The following SHISA9 variants were observed in gnomAD, a reference collection of about 807,000 sequenced individuals.
SHISA9 encodes shisa family member 9.
A neutral mutation model predicts 38.0 loss-of-function variants in SHISA9; 13 were observed. The ratio of observed to expected loss-of-function variants is 0.34; its 90% CI spans 0.22 to 0.54. The LOEUF is 0.54. Ranked by LOEUF, SHISA9 falls within the 20% of genes least tolerant of loss-of-function variation. The pLI is 0.91. For synonymous variants in SHISA9, 275 were observed against 242.0 expected (o/e 1.14, Z -1.27); for missense variants, 538 against 575.8 (o/e 0.93, Z 0.67).
chr16:13,398,865 T>C, the SHISA9 span, among the ~76,000 whole-genome samples: 3 of 152,174 alleles, frequency 2.0e-5, no homozygotes, highest in African/African-American at 7.2e-5. Flanking sequence ...AAAACAATCA[T>C]CAATTATTTG....
intron 2 of SHISA9, among the ~76,000 whole-genome samples, chr16:13,018,204 G>C (rs537573972): frequency 2.0e-5 from 3 of 152,300 alleles, no homozygotes; most frequent in Non-Finnish European, 4.4e-5. Context: ...CAGCTTCACA[G>C]TGGGTAGGGT....
intron 2 of SHISA9, among the ~76,000 whole-genome samples, chr16:12,974,589 G>A (rs552600160): frequency 1.2e-3 from 168 of 144,200 alleles, no homozygotes; most frequent in South Asian, 1.6e-3. Flanking sequence ...AGGTTCAAGC[G>A]ATTCTCCTGC....
chr16:13,555,012 C>T, the SHISA9 span, among the ~76,000 whole-genome samples: 1 of 152,176 alleles, frequency 6.6e-6, no homozygotes, highest in Admixed American at 6.5e-5. Flanking sequence ...TCCCTTTTGA[C>T]GTTCAAGGCA....
chr16:12,940,199 A>G (rs539721311), intron 2 of SHISA9, among the ~76,000 whole-genome samples: 1 of 152,188 alleles, frequency 6.6e-6, no homozygotes. Flanking sequence ...GGCAGAGGCC[A>G]GAGCTTGGGC....
At chr16:13,548,936 C>G in the SHISA9 span, among the ~76,000 whole-genome samples, 1 of 152,126 alleles carries the variant, frequency 6.6e-6, no homozygotes, top group Admixed American at 6.5e-5. Context: ...ACACTTTACA[C>G]AATAGCCAAG....
intron 2 of SHISA9, among the ~76,000 whole-genome samples, chr16:12,974,346 C>G (rs1406872989): frequency 6.6e-6 from 1 of 151,952 alleles, no homozygotes; most frequent in Non-Finnish European, 1.5e-5. Flanking sequence ...TGTTCTTACC[C>G]AAAGAAGGAG....
At chr16:13,307,131 C>T in the SHISA9 span, among the ~76,000 whole-genome samples, 5 of 152,298 alleles carry the variant, frequency 3.3e-5, no homozygotes, top group East Asian at 3.9e-4. Flanking sequence ...CTGGACAAGT[C>T]GTTCAACTGC....
chr16:13,168,733 A>G (rs2050659727), intron 2 of SHISA9, among the ~76,000 whole-genome samples: 1 of 152,250 alleles, frequency 6.6e-6, no homozygotes. Context: ...CTAGCAGGCT[A>G]GGAGCCCAGG....
In SHISA9 at chr16:12,999,788, C is replaced by T. The variant is rs545855913; in HGVS notation, c.691+82973C>T. ...GTGCCTGAAGGTTGACTTCCTACAG[C>T]CAGCAGGAAGATGAACATGGAGGAT... On this transcript the variant is annotated intron_variant, in intron 2 of 4. Coordinates refer to ENST00000558583, the MANE Select transcript of SHISA9 (RefSeq NM_001145204.3). Among the ~76,000 whole-genome samples, 316 of 152,250 alleles carry T rather than the reference C, an allele frequency of 2.1e-3. 1 individual carries two copies. Among genetic ancestry groups the T allele is most frequent in the African/African-American group, 7.3e-3 (304 of 41,554 alleles).
chr16:13,022,727 G>A (rs141884633), intron 2 of SHISA9, among the ~76,000 whole-genome samples: 5 of 152,088 alleles, frequency 3.3e-5, no homozygotes, highest in African/African-American at 1.2e-4. Context: ...TAGGTGTCCC[G>A]AGTAGCAGGG....
the SHISA9 span, among the ~76,000 whole-genome samples, chr16:13,454,180 A>T: frequency 6.6e-6 from 1 of 152,220 alleles, no homozygotes; most frequent in Admixed American, 6.5e-5. Flanking sequence ...GCACAATTAT[A>T]AAAGGTTGAC....
At chr16:13,354,079 A>G in the SHISA9 span, among the ~76,000 whole-genome samples, 114,533 of 144,300 alleles carry the variant, frequency 0.79, 45,725 homozygotes, top group East Asian at 0.96. Context: ...CATGTTGAGT[A>G]AAGCTAATTT....
At chr16:13,406,903 T>C in the SHISA9 span, among the ~76,000 whole-genome samples, 1 of 151,850 alleles carries the variant, frequency 6.6e-6, no homozygotes, top group Admixed American at 6.6e-5. Flanking sequence ...ACCCCATCTC[T>C]ACTAAAAATA....
At chr16:13,204,734 G>C (rs2051046728) in intron 3 of SHISA9, 1 of 152,182 alleles carries the variant, frequency 6.6e-6, no homozygotes, top group Non-Finnish European at 1.5e-5. Context: ...GTGATTCCAA[G>C]GTGAAGACAC....
intron 2 of SHISA9, among the ~76,000 whole-genome samples, chr16:13,104,381 A>G (rs1470699094): frequency 6.6e-6 from 1 of 152,222 alleles, no homozygotes. Context: ...GCATATGTTC[A>G]CACAAAGACA....
chr16:13,211,260 T>G (rs1056614634), intron 3 of SHISA9, among the ~76,000 whole-genome samples: 1 of 151,588 alleles, frequency 6.6e-6, no homozygotes, highest in African/African-American at 2.4e-5. Flanking sequence ...GAGTCGAGAT[T>G]GTGCCACTGC....
At chr16:13,355,093 G>A in the SHISA9 span, among the ~76,000 whole-genome samples, 2 of 150,098 alleles carry the variant, frequency 1.3e-5, no homozygotes, top group African/African-American at 4.9e-5. Context: ...AGGTATTGAT[G>A]ATAGGAGAGT....
chr16:13,054,986 C>T (rs566216486), intron 2 of SHISA9, among the ~76,000 whole-genome samples: 19 of 152,304 alleles, frequency 1.2e-4, no homozygotes, highest in African/African-American at 4.1e-4. Context: ...CCTTCAGTGA[C>T]GTTTCCAAAG....
At chr16:13,453,976 C>T in the SHISA9 span, among the ~76,000 whole-genome samples, 4 of 152,178 alleles carry the variant, frequency 2.6e-5, no homozygotes, top group Admixed American at 6.5e-5. Flanking sequence ...TCATCTCATA[C>T]ATCAAATAAT....
Sources: gnomAD v4.1 joint callset for allele counts (sites outside exome capture counted in the v4.1 genomes callset) on GRCh38, gnomAD v4.1.1 for gene constraint, MANE v1.5 for transcripts, NCBI Gene and HGNC (gene_info 2026-07-23, HGNC 2026-07-21) for gene names.